Variants in RGS9 observed in about 807,000 individuals in gnomAD.
RGS9 encodes regulator of G protein signaling 9, also known as regulator of G-protein signalling 9.
RGS9 carries 78 observed loss-of-function variants against 102.0 expected under a neutral mutation model. That is an observed-to-expected ratio of 0.76 (90% CI 0.64 to 0.92). RGS9 has a LOEUF of 0.92. RGS9 is among the 40% of genes least tolerant of loss of function. RGS9 has a pLI of 0.00. For missense variants in RGS9, 833 were observed against 866.1 expected (o/e 0.96, Z 0.48); for synonymous variants, 353 against 318.6 (o/e 1.11, Z -1.15).
At chr17:65,224,664 G>C (rs1167523168) in intron 17 of RGS9, among the ~76,000 whole-genome samples, 1 of 152,136 alleles carries the variant, frequency 6.6e-6, no homozygotes, top group Non-Finnish European at 1.5e-5. Context: ...GCTCATTTGG[G>C]GACTGGAGTT....
intron 15 of RGS9, among the ~76,000 whole-genome samples, chr17:65,204,539 T>C (rs891258909): frequency 6.6e-5 from 10 of 152,100 alleles, no homozygotes; most frequent in African/African-American, 2.4e-4. Context: ...AGTGAGACCC[T>C]GTCTTTATAT....
At chr17:65,156,302 C>T (rs552534171) in intron 2 of RGS9, among the ~76,000 whole-genome samples, 2 of 152,240 alleles carry the variant, frequency 1.3e-5, no homozygotes, top group Non-Finnish European at 1.5e-5. Flanking sequence ...GGATTACAGG[C>T]ATGAGCCACC....
At chr17:65,200,071 G>A (rs1266572134) in intron 13 of RGS9, among the ~76,000 whole-genome samples, 11 of 152,032 alleles carry the variant, frequency 7.2e-5, no homozygotes, top group African/African-American at 2.2e-4. Context: ...TTGCTCTGTC[G>A]CCCAGGCTGG....
intron 7 of RGS9, 57 bp downstream of exon 7, chr17:65,163,146 C>T: frequency 1.3e-6 from 1 of 773,646 alleles, no homozygotes; most frequent in Admixed American, 2.7e-5. Context: ...TCTCTTCCTT[C>T]TTTGTTTCTT....
chr17:65,137,666 C>A, intron 1 of RGS9, 69 bp downstream of exon 1: 1 of 1,510,610 alleles, frequency 6.6e-7, no homozygotes, highest in Non-Finnish European at 9.2e-7. Flanking sequence ...CGTCCGAGGA[C>A]AAGAGGGGCA....
Position 65,160,550 on chromosome 17 carries a change from GC to G in RGS9, c.330del (p.Thr111ProfsTer37). On this transcript the variant is annotated frameshift_variant, in exon 5 of 19. Coordinates refer to ENST00000262406, the MANE Select transcript of RGS9 (RefSeq NM_003835.4). LOFTEE classifies it high-confidence loss of function. The stretch of plus-strand genomic sequence containing the variant: ...TTCTTTTGCAGACACCGTATTTCTG[GC>G]CCACCCAGCAGTGGCCAGCTGAAGA... ...LYRFQTPYFW[P>X]TQQWPAEDTD... 6.2e-7 allele frequency: 1 copy of G among 1,614,156 alleles called. No homozygotes were observed. The highest frequency in any genetic ancestry group is 1.1e-5 in the South Asian group (1 of 91,076).
chr17:65,141,821 A>G (rs1274498417), intron 1 of RGS9, among the ~76,000 whole-genome samples: 1 of 152,094 alleles, frequency 6.6e-6, no homozygotes, highest in Non-Finnish European at 1.5e-5. Flanking sequence ...AGGTTGAGGA[A>G]ATGAGTGACA....
chr17:65,154,355 G>A (rs1404066871), intron 2 of RGS9, among the ~76,000 whole-genome samples: 1 of 152,126 alleles, frequency 6.6e-6, no homozygotes, highest in Admixed American at 6.6e-5. Flanking sequence ...TACATTTGCT[G>A]ACTCCTGGAC....
chr17:65,213,820 C>T (rs956237642), intron 17 of RGS9, among the ~76,000 whole-genome samples: 3 of 151,984 alleles, frequency 2.0e-5, no homozygotes, highest in South Asian at 2.1e-4. Flanking sequence ...AGACACAGCA[C>T]GTAAACAAAG....
At chr17:65,184,666 T>C (rs945619486) in intron 9 of RGS9, among the ~76,000 whole-genome samples, 3 of 152,098 alleles carry the variant, frequency 2.0e-5, no homozygotes, top group Non-Finnish European at 4.4e-5. Context: ...TTTCTTTTTT[T>C]CCTTCCTTCC....
rs146008874 is a variant in RGS9 at position 65,204,334 on chromosome 17, A to G, written c.1203+33A>G. The G allele has an allele frequency of 9.9e-6, 16 of 1,612,354 alleles. No individual in the cohort carries two copies. The African/African-American group carries it at 2.1e-4, about 22-fold the overall frequency. On this transcript the variant is annotated intron_variant, in intron 15 of 18. Transcript: ENST00000262406. The stretch of plus-strand genomic sequence containing the variant: ...GGTCCGTGCTGTGGATACGGGGTCC[A>G]GATAGGCTTTCTGTCACTAAGTACC...
chr17:65,192,470 G>T (rs1006051120), intron 11 of RGS9, among the ~76,000 whole-genome samples: 6 of 151,858 alleles, frequency 4.0e-5, no homozygotes, highest in African/African-American at 1.5e-4. Context: ...AAAAAAATTA[G>T]CCAGGTGGTG....
At chr17:65,167,233 C>T (rs775540817) in intron 7 of RGS9, among the ~76,000 whole-genome samples, 18 of 152,008 alleles carry the variant, frequency 1.2e-4, no homozygotes, top group Non-Finnish European at 2.5e-4. Context: ...CGGAGTTTTG[C>T]TCTTGTTGCC....
chr17:65,184,630 C>T (rs1036088366), intron 9 of RGS9, among the ~76,000 whole-genome samples: 1 of 152,092 alleles, frequency 6.6e-6, no homozygotes, highest in African/African-American at 2.4e-5. Flanking sequence ...AACCTTTGTC[C>T]GATCCCCAAA....
At chr17:65,211,316 T>C (rs1450289393) in intron 17 of RGS9, among the ~76,000 whole-genome samples, 1 of 152,248 alleles carries the variant, frequency 6.6e-6, no homozygotes, top group Admixed American at 6.5e-5. Flanking sequence ...TCATAATTAC[T>C]GGAGGGTTGA....
Position 65,162,925 on chromosome 17 carries a change from G to A in RGS9, c.424-88G>A. The A allele has an allele frequency of 4.0e-6, 3 of 741,704 alleles. No individual in the cohort carries two copies. The South Asian group carries it at 4.4e-5, about 11-fold the overall frequency. 45.9% of individuals were successfully genotyped at this position (741,704 alleles called of 1,614,324 possible). A position where few individuals can be genotyped will look rare whatever the true frequency, so the allele number is the denominator to read the frequency against. On this transcript the variant is annotated intron_variant, in intron 6 of 18. Transcript: ENST00000262406. ...TCCATGGTTGCCATGAGCCAGGGGTGTGCCCTTGCTGACTTAGAGTTTGTT... is the reference window on the plus strand; with the variant it reads ...TCCATGGTTGCCATGAGCCAGGGGTATGCCCTTGCTGACTTAGAGTTTGTT...
intron 2 of RGS9, among the ~76,000 whole-genome samples, chr17:65,154,817 C>T (rs929211418): frequency 6.6e-6 from 1 of 152,218 alleles, no homozygotes; most frequent in Non-Finnish European, 1.5e-5. Flanking sequence ...GACAGCTTCT[C>T]ATAGCCCAAG....
intron 12 of RGS9, among the ~76,000 whole-genome samples, 161 bp downstream of exon 12, chr17:65,193,817 C>A (rs1264771902): frequency 1.3e-5 from 2 of 152,018 alleles, no homozygotes; most frequent in African/African-American, 4.8e-5. Context: ...AAAAAGAAAC[C>A]CTGGACGCCC....
intron 1 of RGS9, 64 bp downstream of exon 1, chr17:65,137,661 G>A: frequency 6.5e-7 from 1 of 1,526,900 alleles, no homozygotes; most frequent in South Asian, 1.1e-5. Flanking sequence ...CGAAGCGTCC[G>A]AGGACAAGAG....
Sources: allele counts gnomAD v4.1 joint callset (sites outside exome capture counted in the v4.1 genomes callset), GRCh38; gene constraint gnomAD v4.1.1; transcripts MANE v1.5; gene names NCBI Gene and HGNC (gene_info 2026-07-23, HGNC 2026-07-21).